LRATD1: variants seen among roughly 807,000 people sequenced by gnomAD.
LRATD1 encodes the protein protein LRATD1.
LRATD1 carries 8 observed loss-of-function variants against 21.3 expected under a neutral mutation model. The observed-to-expected ratio is 0.38, with a 90% CI of 0.22 to 0.68. LRATD1 has a LOEUF of 0.68. Among genes scored for constraint, LRATD1 ranks in the 30% least tolerant of loss-of-function variants. LRATD1 has a pLI of 0.54. For synonymous variants in LRATD1, 210 were observed against 186.2 expected (o/e 1.13, Z -1.04); for missense variants, 380 against 404.0 (o/e 0.94, Z 0.51).
rs754100924 is a variant in LRATD1 at position 14,633,945 on chromosome 2, T to C, written c.-35T>C. ...CTCTGCCTCTCTGTGCCTCCGCAGATCCCCGCTCCTGGCCCTCGCCTCGCC... is the reference window on the plus strand; with the variant it reads ...CTCTGCCTCTCTGTGCCTCCGCAGACCCCCGCTCCTGGCCCTCGCCTCGCC... On this transcript the variant is annotated splice_region_variant and 5_prime_UTR_variant, in exon 2 of 2. Coordinates refer to ENST00000295092, the MANE Select transcript of LRATD1 (RefSeq NM_145175.4). This position sits in a 1 kb window ranked among gnomAD's most constrained non-coding sequence, Gnocchi z 7.5. 4 of 1,590,672 alleles carry C rather than the reference T, an allele frequency of 2.5e-6. No individual in the cohort carries two copies. The South Asian group carries it at 4.5e-5, about 18-fold the overall frequency.
Position 14,635,555 on chromosome 2 carries a change from C to T in LRATD1, c.*697C>T. 1 of 471,096 alleles carries T rather than the reference C, an allele frequency of 2.1e-6. No homozygotes were observed. Among genetic ancestry groups the T allele is most frequent in the Non-Finnish European group, 4.4e-6 (1 of 227,042 alleles). The allele number at this position is 471,096 out of a possible 1,614,324, so 29.2% of individuals were successfully genotyped here. A position where few individuals can be genotyped will look rare whatever the true frequency, so the allele number is the denominator to read the frequency against. On this transcript the variant is annotated 3_prime_UTR_variant, in exon 2 of 2. Coordinates refer to ENST00000295092, the MANE Select transcript of LRATD1 (RefSeq NM_145175.4). ...TTCTTTCCACCGTGGGAAGCGAACG[C>T]CACCCCCACCCGCCTTTGCCTGCGA...
At chr2:14,648,887 T>C (rs1411752175) in intron 4 of LRATD1, among the ~76,000 whole-genome samples, 1 of 152,084 alleles carries the variant, frequency 6.6e-6, no homozygotes, top group Admixed American at 6.6e-5. Flanking sequence ...AACTATCCTG[T>C]TTTTTTGAAT....
At chr2:14,644,923 A>G (rs1027038671), downstream of LRATD1, among the ~76,000 whole-genome samples, 1 of 152,322 alleles carries the variant, frequency 6.6e-6, no homozygotes, top group East Asian at 1.9e-4. Context: ...AGTAGAAATA[A>G]TAATTGAGGT....
Position 14,634,589 on chromosome 2 carries a change from A to G in LRATD1, c.610A>G (p.Ser204Gly). 1 of 1,502,316 alleles carries G rather than the reference A, an allele frequency of 6.7e-7. No homozygotes were observed. The highest frequency in any genetic ancestry group is 1.4e-5 in the African/African-American group (1 of 71,576). 93.1% of individuals were successfully genotyped at this position (1,502,316 alleles called of 1,614,324 possible). ...QNACGHLGLK[S>G]EEICWTNSES... The stretch of plus-strand genomic sequence containing the variant: ...CGCCTGCGGCCACCTGGGCCTCAAG[A>G]GCGAGGAGATCTGCTGGACGAACTC... The change falls in exon 2 of 2, where the codon AGC becomes GGC. Residue 204 changes from serine (S) to glycine (G), a missense_variant. Transcript: ENST00000295092.
rs947225799 is a variant in LRATD1 at position 14,637,919 on chromosome 2, GACA to G, written c.*3065_*3067del. The G allele has an allele frequency of 6.0e-6, 1 of 167,000 alleles. No individual in the cohort carries two copies. Among genetic ancestry groups the G allele is most frequent in the Non-Finnish European group, 1.5e-5 (1 of 68,094 alleles). The allele number at this position is 167,000 out of a possible 1,614,324, so 10.3% of individuals were successfully genotyped here. A position where few individuals can be genotyped will look rare whatever the true frequency, so the allele number is the denominator to read the frequency against. ...GTTTTGGTTTTAGTTGTCCTCAAGAGACAACAGGTTCACAGTAATTTCCATGAT... is the reference window on the plus strand; with the variant it reads ...GTTTTGGTTTTAGTTGTCCTCAAGAGACAGGTTCACAGTAATTTCCATGAT... On this transcript the variant is annotated 3_prime_UTR_variant, in exon 2 of 2. Coordinates refer to ENST00000295092, the MANE Select transcript of LRATD1 (RefSeq NM_145175.4).
chr2:14,634,456 C>G lies in LRATD1; in HGVS notation c.477C>G (p.Gly159=). ...GGCAGATCATCCACCTGCACCAAGG[C>G]GAGATCCGCCAGGACAGCCTGTATG... ...GGGQIIHLHQ[G]EIRQDSLYEA... Residue 159 remains glycine, a synonymous_variant, in exon 2 of 2, where the codon GGC becomes GGG. Transcript: ENST00000295092. 1 of 1,521,422 alleles carries G rather than the reference C, an allele frequency of 6.6e-7. No homozygotes were observed. Among genetic ancestry groups the G allele is most frequent in the Non-Finnish European group, 8.8e-7 (1 of 1,137,128 alleles). 94.2% of individuals were successfully genotyped at this position (1,521,422 alleles called of 1,614,324 possible).
At chr2:14,645,714 A>G (rs943685208) in intron 2 of LRATD1, among the ~76,000 whole-genome samples, 9 of 152,182 alleles carry the variant, frequency 5.9e-5, no homozygotes, top group Non-Finnish European at 1.0e-4. Flanking sequence ...TAGGGCCACA[A>G]TGATTTTGTT....
intron 4 of LRATD1, chr2:14,649,294 G>A (rs1359150011): frequency 2.2e-6 from 1 of 456,574 alleles, no homozygotes; most frequent in East Asian, 7.0e-5. Context: ...TAAAAACATT[G>A]TGTTTTTCTT....
downstream of LRATD1, among the ~76,000 whole-genome samples, chr2:14,641,172 C>G (rs941293376): frequency 6.6e-6 from 1 of 152,012 alleles, no homozygotes; most frequent in Non-Finnish European, 1.5e-5. Flanking sequence ...TTGGAGCTGG[C>G]GAACTAAGGA....
chr2:14,644,207 A>C (rs1671857789), downstream of LRATD1, among the ~76,000 whole-genome samples: 1 of 152,148 alleles, frequency 6.6e-6, no homozygotes, highest in African/African-American at 2.4e-5. Context: ...TATAGCCTGG[A>C]ATATAGGTAA....
At chr2:14,640,263 T>G (rs1307977322), downstream of LRATD1, among the ~76,000 whole-genome samples, 1 of 152,228 alleles carries the variant, frequency 6.6e-6, no homozygotes, top group African/African-American at 2.4e-5. Context: ...CACTTAACTC[T>G]GGGAAAATTA....
At chr2:14,641,098 A>G (rs945223622), downstream of LRATD1, among the ~76,000 whole-genome samples, 3 of 152,310 alleles carry the variant, frequency 2.0e-5, no homozygotes, top group Non-Finnish European at 4.4e-5. Context: ...CCAGTATATT[A>G]TCTGTCAACC....
chr2:14,634,421 G>C lies in LRATD1; in HGVS notation c.442G>C (p.Val148Leu). Residue 148 changes from valine to leucine, a missense_variant, in exon 2 of 2, where the codon GTG (valine) becomes CTG (leucine). Physicochemically the swap from Val to Leu is conservative, Grantham distance 32 (BLOSUM62 1). Transcript: ENST00000295092. ...PAPAPHWAVY[V>L]GGGQIIHLHQ... is the part of the protein sequence containing the mutation. ...GCCCGCCCCGCACTGGGCCGTCTAC[G>C]TGGGCGGCGGGCAGATCATCCACCT... 2 of 1,525,018 alleles carry C rather than the reference G, an allele frequency of 1.3e-6. No individual in the cohort carries two copies. Among genetic ancestry groups the C allele is most frequent in the Non-Finnish European group, 1.8e-6 (2 of 1,140,260 alleles). The allele number at this position is 1,525,018 out of a possible 1,614,324, so 94.5% of individuals were successfully genotyped here.
rs1302525002 is a variant in LRATD1 at position 14,639,260 on chromosome 2, G to A, written c.*4402G>A. On this transcript the variant is annotated 3_prime_UTR_variant, in exon 2 of 2. Coordinates refer to ENST00000295092, the MANE Select transcript of LRATD1 (RefSeq NM_145175.4). Reference sequence around the variant, plus strand: ...CTAACAATAAAAAGAAAATGTGGGAGTTGTGCAATTAGTTTTATTCTCATT... The same window carrying A: ...CTAACAATAAAAAGAAAATGTGGGAATTGTGCAATTAGTTTTATTCTCATT... The A allele has an allele frequency of 6.0e-6, 1 of 166,984 alleles. No homozygotes were observed. The highest frequency in any genetic ancestry group is 1.9e-4 in the East Asian group (1 of 5,200). The allele number at this position is 166,984 out of a possible 1,614,324, so 10.3% of individuals were successfully genotyped here.
chr2:14,637,707 A>G lies in LRATD1; in HGVS notation c.*2849A>G, dbSNP rs1671718267. 6.0e-6 allele frequency: 1 copy of G among 165,520 alleles called. No homozygotes were observed. The highest frequency in any genetic ancestry group is 2.1e-4 in the South Asian group (1 of 4,748). The allele number at this position is 165,520 out of a possible 1,614,324, so 10.3% of individuals were successfully genotyped here. On this transcript the variant is annotated 3_prime_UTR_variant, in exon 2 of 2. Transcript: ENST00000295092. The stretch of plus-strand genomic sequence containing the variant: ...GATATTACCTAATGGTTTTATCCTG[A>G]AAAAGGTGTATACTTTTAGGGCACT...
rs778621943 is a variant in LRATD1, at chr2:14,634,240, C to T, written c.261C>T (p.Ser87=). 5.0e-6 allele frequency: 8 copies of T among 1,611,482 alleles called. No homozygotes were observed. The Admixed American group carries it at 1.3e-4, about 27-fold the overall frequency. The part of the protein sequence containing the change: ...HQLVLNETQF[S]AFRGQECIFS... ...TGGTCCTCAACGAGACTCAGTTTTCCGCCTTTCGGGGCCAGGAATGCATCT... is the reference window on the plus strand; with the variant it reads ...TGGTCCTCAACGAGACTCAGTTTTCTGCCTTTCGGGGCCAGGAATGCATCT... Residue 87 remains serine (S), a synonymous_variant, in exon 2 of 2, where the codon TCC becomes TCT. Coordinates refer to ENST00000295092, the MANE Select transcript of LRATD1 (RefSeq NM_145175.4).
In LRATD1 at chr2:14,634,976, G is replaced by A. The variant is rs2103407065; in HGVS notation, c.*118G>A. 4 of 1,335,696 alleles carry A rather than the reference G, an allele frequency of 3.0e-6. No homozygotes were observed. The African/African-American group carries it at 4.4e-5, about 15-fold the overall frequency. The allele number at this position is 1,335,696 out of a possible 1,614,324, so 82.7% of individuals were successfully genotyped here. A position where few individuals can be genotyped will look rare whatever the true frequency, so the allele number is the denominator to read the frequency against. On this transcript the variant is annotated 3_prime_UTR_variant, in exon 2 of 2. Transcript: ENST00000295092. The stretch of plus-strand genomic sequence containing the variant: ...CTGCCCCGCCCCGCCACGCGCGTCC[G>A]CCGCCGGTGGCCCGGGCCCGGGCTG...
At chr2:14,651,346 G>A (rs1009011283), downstream of LRATD1, among the ~76,000 whole-genome samples, 4 of 152,064 alleles carry the variant, frequency 2.6e-5, no homozygotes, top group Admixed American at 2.0e-4. Context: ...ATTGCATCTA[G>A]CTCTGCACTA....
At chr2:14,645,337 A>G in intron 2 of LRATD1, among the ~76,000 whole-genome samples, 1 of 152,232 alleles carries the variant, frequency 6.6e-6, no homozygotes, top group East Asian at 1.9e-4. Context: ...ACAAAGATTG[A>G]TAAGTTTGCC....
Sources: allele counts gnomAD v4.1 joint callset (sites outside exome capture counted in the v4.1 genomes callset), GRCh38; gene constraint gnomAD v4.1.1; non-coding constraint Gnocchi (gnomAD v3.1); transcripts MANE v1.5; gene names NCBI Gene and HGNC (gene_info 2026-07-23, HGNC 2026-07-21).